The following GRID1 variants were observed in gnomAD, a reference collection of about 807,000 sequenced individuals.
The protein encoded by GRID1 is glutamate ionotropic receptor delta type subunit 1, also known as glutamate receptor ionotropic, delta-1.
In GRID1, 28 loss-of-function variants were observed where a neutral mutation model predicts 98.0. The observed-to-expected ratio is 0.29, with a 90% CI of 0.21 to 0.39. GRID1 has a LOEUF of 0.39. Ranked by LOEUF, GRID1 falls within the 10% of genes least tolerant of loss-of-function variation. The pLI is 1.00. For missense variants in GRID1, 1,111 were observed against 1,340.5 expected (o/e 0.83, Z 2.67); for synonymous variants, 553 against 538.5 (o/e 1.03, Z -0.37).
chr10:85,959,408 C>T (rs1842236527), intron 4 of GRID1, among the ~76,000 whole-genome samples: 1 of 152,214 alleles, frequency 6.6e-6, no homozygotes, highest in African/African-American at 2.4e-5. Flanking sequence ...TTGGCAGCAT[C>T]TGCCTTGAGA....
At chr10:85,606,265 C>T (rs1441992785) in intron 15 of GRID1, 1 of 152,188 alleles carries the variant, frequency 6.6e-6, no homozygotes, top group African/African-American at 2.4e-5. Context: ...CCTTTAAAGT[C>T]TCCGTGTCAA....
chr10:86,002,691 T>C (rs1186033995), intron 4 of GRID1, among the ~76,000 whole-genome samples: 1 of 152,210 alleles, frequency 6.6e-6, no homozygotes, highest in African/African-American at 2.4e-5. Context: ...AAAGGGACTG[T>C]GTTGAACTAC....
intron 2 of GRID1, among the ~76,000 whole-genome samples, chr10:86,355,901 C>T (rs914150536): frequency 1.1e-4 from 17 of 152,192 alleles, no homozygotes; most frequent in African/African-American, 2.9e-4. Context: ...AGGGGCAAGA[C>T]GTGGGAGTCT....
chr10:85,655,696 GCTT>G (rs548165505), intron 12 of GRID1, among the ~76,000 whole-genome samples: 343 of 152,246 alleles, frequency 2.3e-3, no homozygotes, highest in Middle Eastern at 6.8e-3. Flanking sequence ...CAATGAGGCT[GCTT>G]CTTTTTTCCT....
At chr10:86,057,531 C>T (rs1169696694) in intron 4 of GRID1, among the ~76,000 whole-genome samples, 1 of 152,212 alleles carries the variant, frequency 6.6e-6, no homozygotes, top group Non-Finnish European at 1.5e-5. Context: ...CCTTTGCCTA[C>T]TCCATTGGCC....
chr10:86,057,272 T>C (rs927307296), intron 4 of GRID1, among the ~76,000 whole-genome samples: 24 of 152,226 alleles, frequency 1.6e-4, no homozygotes, highest in African/African-American at 5.8e-4. Context: ...TCTCTGAAGA[T>C]TTCACAGAAG....
intron 4 of GRID1, among the ~76,000 whole-genome samples, chr10:85,922,114 G>A (rs1395339614): frequency 6.6e-6 from 1 of 152,200 alleles, no homozygotes; most frequent in African/African-American, 2.4e-5. Flanking sequence ...TGGTCATGCT[G>A]CTCTCTGAAA....
At chr10:85,982,972 C>T (rs1842564339) in intron 4 of GRID1, among the ~76,000 whole-genome samples, 2 of 152,192 alleles carry the variant, frequency 1.3e-5, no homozygotes, top group Admixed American at 1.3e-4. Flanking sequence ...TCCCTAAAAA[C>T]ACTTTAGAAA....
chr10:85,706,225 C>T (rs1334856997), intron 12 of GRID1, among the ~76,000 whole-genome samples: 1 of 152,136 alleles, frequency 6.6e-6, no homozygotes, highest in African/African-American at 2.4e-5. Context: ...ATCGTCTCAG[C>T]CCAAAATCTC....
At chr10:85,772,962 A>G (rs545216347) in intron 8 of GRID1, among the ~76,000 whole-genome samples, 1 of 152,320 alleles carries the variant, frequency 6.6e-6, no homozygotes, top group South Asian at 2.1e-4. Flanking sequence ...AATCCTCCCT[A>G]ACTCATTTTA....
chr10:85,790,782 C>T (rs573554205), intron 8 of GRID1, among the ~76,000 whole-genome samples: 1 of 152,288 alleles, frequency 6.6e-6, no homozygotes, highest in Non-Finnish European at 1.5e-5. Context: ...CAGGGCCACC[C>T]GGCTTCTCAA....
intron 4 of GRID1, among the ~76,000 whole-genome samples, chr10:86,033,520 G>T (rs75074338): frequency 0.022 from 3,278 of 152,320 alleles, 99 homozygotes; most frequent in African/African-American, 0.064. Context: ...ATCAAACTCT[G>T]CAGGGAGACC....
intron 5 of GRID1, among the ~76,000 whole-genome samples, chr10:85,896,446 T>C (rs1841295585): frequency 6.6e-6 from 1 of 152,192 alleles, no homozygotes; most frequent in East Asian, 1.9e-4. Context: ...CTTGTCTTTA[T>C]ATTGTTGTGA....
At chr10:85,949,639 C>T (rs1199089084) in intron 4 of GRID1, among the ~76,000 whole-genome samples, 2 of 152,166 alleles carry the variant, frequency 1.3e-5, no homozygotes, top group African/African-American at 4.8e-5. Context: ...ACCTTCTAGG[C>T]TTCCATCCTG....
chr10:85,713,800 C>A (rs1369800603), intron 12 of GRID1, among the ~76,000 whole-genome samples: 1 of 151,808 alleles, frequency 6.6e-6, no homozygotes, highest in Non-Finnish European at 1.5e-5. Context: ...GAAAATTTAA[C>A]ATCTTTCATG....
intron 8 of GRID1, among the ~76,000 whole-genome samples, chr10:85,819,988 A>AGGAAGGAT: frequency 1.0e-5 from 1 of 96,992 alleles, no homozygotes; most frequent in South Asian, 3.9e-4. Flanking sequence ...GAAGGAAGGA[A>AGGAAGGAT]GGAAGGAAGG....
intron 6 of GRID1, among the ~76,000 whole-genome samples, chr10:85,864,780 T>C (rs1843199337): frequency 6.6e-6 from 1 of 152,164 alleles, no homozygotes. Context: ...AATCAAGCCA[T>C]TCGACAATTT....
intron 4 of GRID1, among the ~76,000 whole-genome samples, chr10:86,123,380 T>A (rs564710279): frequency 6.6e-6 from 1 of 152,274 alleles, no homozygotes; most frequent in South Asian, 2.1e-4. Context: ...TCTCCCACAA[T>A]GTCAGTGAGT....
At chr10:86,351,227 G>A (rs1020614244) in intron 2 of GRID1, among the ~76,000 whole-genome samples, 8 of 152,354 alleles carry the variant, frequency 5.3e-5, no homozygotes, top group African/African-American at 1.9e-4. Context: ...AGCCGACTCC[G>A]GCATCCTGTG....
Sources: allele counts gnomAD v4.1 joint callset (sites outside exome capture counted in the v4.1 genomes callset), GRCh38; gene constraint gnomAD v4.1.1; transcripts MANE v1.5; gene names NCBI Gene and HGNC (gene_info 2026-07-23, HGNC 2026-07-21).